Variants in CNTN5 observed in about 807,000 individuals in gnomAD.
CNTN5 encodes the protein contactin-5.
Under a neutral mutation model 129.1 loss-of-function variants are expected in CNTN5, and 77 were observed. That is an observed-to-expected ratio of 0.60 (90% CI 0.50 to 0.72). The LOEUF (loss-of-function observed/expected upper bound fraction) is 0.72, where lower values mean the gene tolerates loss of function less well. Ranked by LOEUF, CNTN5 falls within the 30% of genes least tolerant of loss-of-function variation. The probability of loss-of-function intolerance (pLI) is 0.00; values close to 1 mark genes in which losing one functional copy is unlikely to be tolerated. For missense variants in CNTN5, 1,478 were observed against 1,328.8 expected, an observed-to-expected ratio of 1.11 and a Z score of -1.75; for synonymous variants, 509 against 465.6, an observed-to-expected ratio of 1.09 and a Z score of -1.20.
At chr11:100,239,543 A>C (rs1310726146) in intron 16 of CNTN5, among the ~76,000 whole-genome samples, 1 of 152,182 alleles carries the variant, frequency 6.6e-6, no homozygotes, top group Non-Finnish European at 1.5e-5. Context: ...GGACTTTGCC[A>C]TACCTTCAGT....
At chr11:99,065,820 A>G (rs1865079617) in intron 1 of CNTN5, among the ~76,000 whole-genome samples, 1 of 152,186 alleles carries the variant, frequency 6.6e-6, no homozygotes. Context: ...TTAAAGTTGA[A>G]CTATAAATAC....
At chr11:99,049,926 AG>A (rs1256501393) in intron 1 of CNTN5, 1 of 152,208 alleles carries the variant, frequency 6.6e-6, no homozygotes, top group Non-Finnish European at 1.5e-5. Flanking sequence ...TAAAAAGGAA[AG>A]AATAAAGTCT....
intron 6 of CNTN5, among the ~76,000 whole-genome samples, chr11:99,908,528 T>C (rs751929472): frequency 2.6e-5 from 4 of 152,046 alleles, no homozygotes; most frequent in Non-Finnish European, 5.9e-5. Context: ...AAAAATGAAC[T>C]TAGAAGTAAA....
chr11:99,774,144 C>T (rs1167797813), intron 3 of CNTN5, among the ~76,000 whole-genome samples: 1 of 151,918 alleles, frequency 6.6e-6, no homozygotes, highest in Non-Finnish European at 1.5e-5. Flanking sequence ...TTTCGAACCA[C>T]CCCTATAACA....
At chr11:99,999,140 G>C (rs1247764518) in intron 8 of CNTN5, among the ~76,000 whole-genome samples, 2 of 151,966 alleles carry the variant, frequency 1.3e-5, no homozygotes, top group Non-Finnish European at 2.9e-5. Context: ...GGCAACAAAA[G>C]CCAAAATTGA....
chr11:100,352,363 T>TA (rs1013314613), intron 24 of CNTN5, among the ~76,000 whole-genome samples: 19 of 151,888 alleles, frequency 1.3e-4, no homozygotes, highest in African/African-American at 3.9e-4. Context: ...TTCATTTTTT[T>TA]AAAAAACTAT....
At chr11:99,461,893 TA>T (rs948993251) in intron 2 of CNTN5, among the ~76,000 whole-genome samples, 47 of 152,338 alleles carry the variant, frequency 3.1e-4, no homozygotes, top group African/African-American at 1.1e-3. Context: ...GATCATAAAG[TA>T]AATGTGTTTT....
At chr11:99,989,906 C>A (rs11222241) in intron 8 of CNTN5, among the ~76,000 whole-genome samples, 39,260 of 151,982 alleles carry the variant, frequency 0.26, 5,126 homozygotes, top group East Asian at 0.35. Context: ...GCTGGGACTA[C>A]AGGTGCATGC....
intron 9 of CNTN5, among the ~76,000 whole-genome samples, chr11:100,009,997 G>T (rs562981446): frequency 1.3e-5 from 2 of 152,164 alleles, no homozygotes; most frequent in East Asian, 3.9e-4. Flanking sequence ...TTCAATCTAG[G>T]GACCTTAATG....
chr11:99,984,434 C>A (rs980947185), intron 8 of CNTN5, among the ~76,000 whole-genome samples: 3 of 151,896 alleles, frequency 2.0e-5, no homozygotes, highest in Admixed American at 2.0e-4. Flanking sequence ...TGCAGTAAGG[C>A]ACAAGATTTC....
chr11:99,494,802 C>G (rs1946164563), intron 2 of CNTN5, among the ~76,000 whole-genome samples: 2 of 152,112 alleles, frequency 1.3e-5, no homozygotes, highest in African/African-American at 4.8e-5. Flanking sequence ...ATTATTGTTT[C>G]TTCCCAGGAT....
intron 2 of CNTN5, among the ~76,000 whole-genome samples, chr11:99,517,203 T>C (rs1947089740): frequency 6.6e-6 from 1 of 152,134 alleles, no homozygotes; most frequent in African/African-American, 2.4e-5. Context: ...CTTTCCTTTA[T>C]CCACAAATTT....
chr11:100,244,878 T>A (rs2138692238), intron 16 of CNTN5, among the ~76,000 whole-genome samples: 1 of 152,306 alleles, frequency 6.6e-6, no homozygotes, highest in East Asian at 1.9e-4. Context: ...TTCTAATGGA[T>A]TTATCTGGAA....
At chr11:99,725,938 T>C (rs565709509) in intron 3 of CNTN5, among the ~76,000 whole-genome samples, 15 of 152,316 alleles carry the variant, frequency 9.8e-5, no homozygotes, top group African/African-American at 3.6e-4. Flanking sequence ...TTTTTAAAGA[T>C]ACAAGCTACT....
chr11:100,221,342 AC>A (rs1363953048), intron 15 of CNTN5, among the ~76,000 whole-genome samples: 8 of 152,196 alleles, frequency 5.3e-5, no homozygotes, highest in Non-Finnish European at 1.2e-4. Flanking sequence ...AGAAGTTTGG[AC>A]TGTATTCTAA....
chr11:100,318,707 A>G (rs912219038), intron 21 of CNTN5, among the ~76,000 whole-genome samples: 2 of 152,216 alleles, frequency 1.3e-5, no homozygotes, highest in Non-Finnish European at 2.9e-5. Context: ...AGCACCTGAC[A>G]ATGTACTTGT....
chr11:99,654,032 C>T (rs1952256046), intron 3 of CNTN5, among the ~76,000 whole-genome samples: 1 of 151,192 alleles, frequency 6.6e-6, no homozygotes, highest in African/African-American at 2.4e-5. Context: ...ATCAAAAAAG[C>T]CGTTAATGAA....
At chr11:99,242,693 T>A (rs115129937) in intron 1 of CNTN5, among the ~76,000 whole-genome samples, 2,236 of 152,220 alleles carry the variant, frequency 0.015, 61 homozygotes, top group African/African-American at 0.051. Flanking sequence ...TGTCCATAAA[T>A]ATTGAATGTT....
chr11:99,341,585 G>A (rs917971804), intron 2 of CNTN5, among the ~76,000 whole-genome samples: 6 of 152,044 alleles, frequency 3.9e-5, no homozygotes, highest in Non-Finnish European at 7.4e-5. Context: ...TTACCAAACT[G>A]GATCACTGTG....
Sources: allele counts gnomAD v4.1 joint callset (sites outside exome capture counted in the v4.1 genomes callset), GRCh38; gene constraint gnomAD v4.1.1; transcripts MANE v1.5; gene names NCBI Gene and HGNC (gene_info 2026-07-23, HGNC 2026-07-21).